PON3: variants seen among roughly 807,000 people sequenced by gnomAD.
The protein encoded by PON3 is paraoxonase 3.
A neutral mutation model predicts 36.3 loss-of-function variants in PON3; 37 were observed. The ratio of observed to expected loss-of-function variants is 1.02; its 90% CI spans 0.78 to 1.34. PON3 has a LOEUF of 1.34. PON3 is among the 40% of genes most tolerant of loss of function. The pLI, the probability that PON3 is intolerant of heterozygous loss-of-function variation, is 0.00. For synonymous variants in PON3, 155 were observed against 154.8 expected (o/e 1.00, Z -0.01); for missense variants, 415 against 426.5 (o/e 0.97, Z 0.24).
chr7:95,391,929 G>C (rs946482819), intron 2 of PON3, among the ~76,000 whole-genome samples: 5 of 152,174 alleles, frequency 3.3e-5, no homozygotes, highest in African/African-American at 9.7e-5. Flanking sequence ...TTACACAACA[G>C]AGAGTAAAAA....
intron 4 of PON3, among the ~76,000 whole-genome samples, chr7:95,370,675 C>G (rs765186354): frequency 6.6e-6 from 1 of 151,736 alleles, no homozygotes; most frequent in Non-Finnish European, 1.5e-5. Flanking sequence ...CTGTATAGAC[C>G]CAAAAATATT....
At chr7:95,387,427 A>T (rs925569261) in intron 3 of PON3, among the ~76,000 whole-genome samples, 2 of 152,208 alleles carry the variant, frequency 1.3e-5, no homozygotes, top group African/African-American at 4.8e-5. Flanking sequence ...CTTACAAGGG[A>T]TGTGAACGAC....
At position 95,372,166 on chromosome 7, in the gene PON3, G is replaced by T. The variant is rs1808821919; in HGVS notation, c.367+7C>A. 4.3e-6 allele frequency: 7 copies of T among 1,612,058 alleles called. No individual in the cohort carries two copies. The highest frequency in any genetic ancestry group is 2.2e-5 in the East Asian group (1 of 44,828). ...TTCCCCCTTATCCCTAAACATACAGGTTTTACCTTTGTCGATGAAAATACT... is the reference window on the plus strand; with the variant it reads ...TTCCCCCTTATCCCTAAACATACAGTTTTTACCTTTGTCGATGAAAATACT... On this transcript the variant is annotated splice_region_variant and intron_variant, in intron 4 of 8. Coordinates refer to ENST00000265627, the MANE Select transcript of PON3 (RefSeq NM_000940.3).
intron 1 of PON3, chr7:95,395,805 C>T (rs1055403363): frequency 5.5e-6 from 1 of 180,212 alleles, no homozygotes; most frequent in Non-Finnish European, 1.2e-5. Context: ...GTCTGGCCAG[C>T]TCTTTAAATC....
intron 3 of PON3, among the ~76,000 whole-genome samples, chr7:95,385,866 A>G (rs1212199374): frequency 1.3e-5 from 2 of 152,224 alleles, no homozygotes; most frequent in African/African-American, 4.8e-5. Context: ...TTTGACATCA[A>G]TGACATCAAA....
intron 1 of PON3, chr7:95,396,034 G>A: frequency 1.8e-6 from 1 of 559,732 alleles, no homozygotes; most frequent in East Asian, 3.1e-5. Flanking sequence ...AGAAAGCAAA[G>A]TGGGGGATCA....
intron 3 of PON3, among the ~76,000 whole-genome samples, chr7:95,385,145 T>C (rs1027913541): frequency 6.6e-6 from 1 of 151,970 alleles, no homozygotes; most frequent in Admixed American, 6.6e-5. Flanking sequence ...TAGGTGGGAA[T>C]TGAACGATGA....
intron 3 of PON3, among the ~76,000 whole-genome samples, chr7:95,386,503 C>G (rs1237008554): frequency 6.6e-6 from 1 of 152,090 alleles, no homozygotes; most frequent in East Asian, 1.9e-4. Context: ...GCCTACCAAC[C>G]AATGAAAGTC....
intron 3 of PON3, among the ~76,000 whole-genome samples, chr7:95,384,577 C>T (rs1404607040): frequency 6.6e-6 from 1 of 152,172 alleles, no homozygotes; most frequent in Admixed American, 6.5e-5. Context: ...GACATTTATG[C>T]AGCCAACAGA....
At chr7:95,393,134 AAACTC>A (rs1809355469) in intron 2 of PON3, among the ~76,000 whole-genome samples, 2 of 152,238 alleles carry the variant, frequency 1.3e-5, no homozygotes, top group Non-Finnish European at 2.9e-5. Flanking sequence ...AAAAGGCAGA[AAACTC>A]AAATCAAAAG....
intron 3 of PON3, among the ~76,000 whole-genome samples, chr7:95,381,825 A>T (rs1809061930): frequency 6.6e-6 from 1 of 152,156 alleles, no homozygotes; most frequent in South Asian, 2.1e-4. Context: ...ATATCCAGGA[A>T]TTGAATTCAG....
intron 3 of PON3, among the ~76,000 whole-genome samples, chr7:95,388,814 T>C (rs1335380389): frequency 6.6e-6 from 1 of 152,146 alleles, no homozygotes; most frequent in East Asian, 1.9e-4. Context: ...CTGAAAACTA[T>C]AATTCTCAGC....
intron 1 of PON3, 76 bp downstream of exon 1, chr7:95,396,201 G>A (rs1809428879): frequency 6.6e-7 from 1 of 1,504,516 alleles, no homozygotes; most frequent in Non-Finnish European, 9.3e-7. Flanking sequence ...TAGGAAGGGG[G>A]CGCCAGGCAG....
At chr7:95,391,335 C>T (rs977630711) in intron 2 of PON3, among the ~76,000 whole-genome samples, 33 of 152,164 alleles carry the variant, frequency 2.2e-4, no homozygotes, top group Admixed American at 2.2e-3. Flanking sequence ...AGGCCACCTA[C>T]TCGATAATCC....
rs1200298488 is a variant in PON3, at chr7:95,393,092, ATTACT to A, written c.145+1547_145+1551del. ...TAAGACTAGGGAGTGCAAGGTTCAG[ATTACT>A]TTATTTTTTAGAAATTGAGAGGCAA... On this transcript the variant is annotated intron_variant, in intron 2 of 8. Transcript: ENST00000265627. Among the ~76,000 whole-genome samples the A allele has an allele frequency of 3.3e-5, 5 of 152,230 alleles. No homozygotes were observed. In the East Asian group the frequency reaches 9.6e-4, roughly 29 times the overall value.
At chr7:95,371,422 G>A (rs1585722099) in intron 4 of PON3, among the ~76,000 whole-genome samples, 1 of 152,280 alleles carries the variant, frequency 6.6e-6, no homozygotes, top group Middle Eastern at 3.4e-3. Flanking sequence ...GGCAAAGTAT[G>A]AGGGTTCCAA....
chr7:95,365,713 G>A (rs149654889), intron 5 of PON3: 3 of 152,290 alleles, frequency 2.0e-5, no homozygotes, highest in East Asian at 1.9e-4. Flanking sequence ...ATCCAAAACC[G>A]TGTTATTGGT....
chr7:95,373,623 C>T (rs141036843), intron 3 of PON3, among the ~76,000 whole-genome samples: 3 of 152,284 alleles, frequency 2.0e-5, no homozygotes, highest in East Asian at 1.9e-4. Context: ...ACATTCTGTG[C>T]GAACTCCCTT....
chr7:95,367,955 A>C (rs1808734298), intron 4 of PON3, among the ~76,000 whole-genome samples: 1 of 152,222 alleles, frequency 6.6e-6, no homozygotes, highest in South Asian at 2.1e-4. Flanking sequence ...CCTTAAAATA[A>C]GCAACATTTC....
Sources: allele counts gnomAD v4.1 joint callset (sites outside exome capture counted in the v4.1 genomes callset), GRCh38; gene constraint gnomAD v4.1.1; transcripts MANE v1.5; gene names NCBI Gene and HGNC (gene_info 2026-07-23, HGNC 2026-07-21).